Variants in ATP11C observed in about 807,000 individuals in gnomAD.
ATP11C encodes the protein phospholipid-transporting ATPase IG.
In ATP11C, 36 loss-of-function variants were observed where a neutral mutation model predicts 97.4. The ratio of observed to expected loss-of-function variants is 0.37; its 90% CI spans 0.28 to 0.49. The LOEUF is 0.49. Ranked by LOEUF, ATP11C falls within the 20% of genes least tolerant of loss-of-function variation. The pLI, the probability that ATP11C is intolerant of heterozygous loss-of-function variation, is 0.98. For synonymous variants in ATP11C, 275 were observed against 290.9 expected (o/e 0.95, Z 0.56); for missense variants, 730 against 824.6 (o/e 0.89, Z 1.40).
intron 28 of ATP11C, 186 bp downstream of exon 28, chrX:139,737,730 C>A (rs1197948440): frequency 1.9e-6 from 1 of 525,473 alleles, no homozygotes; most frequent in South Asian, 2.5e-5. Context: ...AATCTACTTA[C>A]CACCTGCATT....
intron 28 of ATP11C, among the ~76,000 whole-genome samples, chrX:139,733,909 A>C (rs1325557273): frequency 8.9e-6 from 1 of 111,808 alleles, no homozygotes; most frequent in Non-Finnish European, 1.9e-5. Context: ...AAGCAGGAGA[A>C]AGCATGGAAA....
At chrX:139,764,366 G>A (rs1357965753) in intron 20 of ATP11C, among the ~76,000 whole-genome samples, 1 of 112,596 alleles carries the variant, frequency 8.9e-6, no homozygotes, top group Non-Finnish European at 1.9e-5. Context: ...TCTTCAAGAT[G>A]TATAAATGTA....
intron 1 of ATP11C, among the ~76,000 whole-genome samples, chrX:139,870,333 G>A (rs181734348): frequency 2.7e-5 from 3 of 112,201 alleles, no homozygotes; most frequent in East Asian, 2.8e-4. Context: ...ATATTTACAC[G>A]TATGTTTAGT....
rs769743592 is a variant in ATP11C, at chrX:139,924,104, CAA to C, written c.27+7910_27+7911del. On this transcript the variant is annotated intron_variant, in intron 1 of 29. Coordinates refer to ENST00000682941, the MANE Select transcript of ATP11C (RefSeq NM_001353812.2). The stretch of plus-strand genomic sequence containing the variant: ...ATGAGCAAATGAATGGGAGCAGTAA[CAA>C]AAGTCCAAAAGTCAGGAAAAATGAA... The C allele has an allele frequency of 1.3e-5, 5 of 376,983 alleles. No individual in the cohort carries two copies. In the East Asian group the frequency reaches 3.8e-4, roughly 29 times the overall value. 31.1% of individuals were successfully genotyped at this position (376,983 alleles called of 1,213,427 possible).
At chrX:139,738,127 G>A (rs1356730837) in intron 27 of ATP11C, 58 bp from the exon 28 acceptor site, 4 of 956,148 alleles carry the variant, frequency 4.2e-6, no homozygotes, top group Non-Finnish European at 5.6e-6. Flanking sequence ...CATATGAAAT[G>A]GACATTTAAT....
intron 6 of ATP11C, 127 bp from the exon 7 acceptor site, chrX:139,802,466 T>C (rs2082947055): frequency 2.7e-6 from 1 of 377,278 alleles, no homozygotes; most frequent in South Asian, 6.4e-5. Flanking sequence ...TAAACAAATA[T>C]TAACATTTCC....
intron 1 of ATP11C, among the ~76,000 whole-genome samples, chrX:139,835,814 G>C (rs1021665673): frequency 1.9e-5 from 2 of 104,189 alleles, no homozygotes; most frequent in African/African-American, 3.5e-5. Flanking sequence ...GGATCACTTG[G>C]TCAGGAGTTT....
intron 2 of ATP11C, among the ~76,000 whole-genome samples, chrX:139,826,091 A>T (rs1313139256): frequency 8.9e-6 from 1 of 111,873 alleles, no homozygotes; most frequent in Non-Finnish European, 1.9e-5. Flanking sequence ...TCAAACTTCC[A>T]GGCCAATGCT....
chrX:139,737,798 T>C (rs1161249316), intron 28 of ATP11C, 118 bp downstream of exon 28: 32 of 757,662 alleles, frequency 4.2e-5, no homozygotes, highest in Non-Finnish European at 6.2e-5. Flanking sequence ...GTGATGAACC[T>C]GTAAGGAGGG....
intron 19 of ATP11C, among the ~76,000 whole-genome samples, chrX:139,772,267 C>A (rs1906724736): frequency 8.9e-6 from 1 of 112,458 alleles, no homozygotes; most frequent in South Asian, 3.7e-4. Flanking sequence ...TGGGAACCTC[C>A]ACCTAGATTT....
At chrX:139,931,917 G>T in intron 1 of ATP11C, 99 bp downstream of exon 1, 1 of 975,520 alleles carries the variant, frequency 1.0e-6, no homozygotes, top group Non-Finnish European at 1.4e-6. Flanking sequence ...GTCTCCCAGA[G>T]ACGTAACTGC....
intron 1 of ATP11C, among the ~76,000 whole-genome samples, chrX:139,851,657 G>A (rs1448922637): frequency 1.8e-5 from 2 of 111,967 alleles, no homozygotes; most frequent in Non-Finnish European, 3.8e-5. Context: ...GTTACTGAGT[G>A]CACTGAACCC....
intron 5 of ATP11C, among the ~76,000 whole-genome samples, chrX:139,809,447 C>A (rs1168111365): frequency 8.9e-6 from 1 of 111,771 alleles, no homozygotes. Context: ...ACTCCACTTA[C>A]ATAAAGTATT....
intron 5 of ATP11C, among the ~76,000 whole-genome samples, chrX:139,806,028 G>A (rs1340830232): frequency 8.9e-6 from 1 of 112,241 alleles, no homozygotes; most frequent in Non-Finnish European, 1.9e-5. Flanking sequence ...CATCTTACAA[G>A]AAGGAGATAC....
chrX:139,752,750 A>G (rs1471437575), intron 23 of ATP11C, among the ~76,000 whole-genome samples: 1 of 112,309 alleles, frequency 8.9e-6, no homozygotes, highest in Non-Finnish European at 1.9e-5. Flanking sequence ...TTTGCTCAAT[A>G]GCAATTTGAA....
At chrX:139,859,640 G>A (rs1353236072) in intron 1 of ATP11C, among the ~76,000 whole-genome samples, 1 of 111,857 alleles carries the variant, frequency 8.9e-6, no homozygotes, top group African/African-American at 3.3e-5. Context: ...CACGTAAACA[G>A]TAAAAAAGAG....
chrX:139,766,949 A>G (rs2148682234), intron 20 of ATP11C, among the ~76,000 whole-genome samples: 1 of 111,333 alleles, frequency 9.0e-6, no homozygotes, highest in African/African-American at 3.3e-5. Context: ...TGATGTGACA[A>G]AAGTTTTGAA....
chrX:139,748,282 T>C (rs778752641), intron 24 of ATP11C, among the ~76,000 whole-genome samples: 53 of 110,380 alleles, frequency 4.8e-4, no homozygotes, highest in African/African-American at 1.7e-3. Context: ...CTGAGGCACA[T>C]TGCAGTAACC....
In ATP11C at chrX:139,785,543, C is replaced by A. The variant is rs748406963; in HGVS notation, c.1593-244G>T. Among the ~76,000 whole-genome samples, 4 of 111,005 alleles carry A rather than the reference C, an allele frequency of 3.6e-5. No homozygotes were observed. The South Asian group carries it at 1.6e-3, about 43-fold the overall frequency. ...TTACTTAAAATGGTAAGGAGAATGACCACATAAAAATGGAAGATAAAGAGC... is the reference window on the plus strand; with the variant it reads ...TTACTTAAAATGGTAAGGAGAATGAACACATAAAAATGGAAGATAAAGAGC... On this transcript the variant is annotated intron_variant, in intron 15 of 29. Transcript: ENST00000682941.
Sources: allele counts gnomAD v4.1 joint callset (sites outside exome capture counted in the v4.1 genomes callset), GRCh38; gene constraint gnomAD v4.1.1; transcripts MANE v1.5; gene names NCBI Gene and HGNC (gene_info 2026-07-23, HGNC 2026-07-21).